Variants in ARHGAP28 observed in about 807,000 individuals in gnomAD.
ARHGAP28 encodes Rho GTPase activating protein 28, also known as rho GTPase-activating protein 28.
A neutral mutation model predicts 90.7 loss-of-function variants in ARHGAP28; 56 were observed. That is an observed-to-expected ratio of 0.62 (90% CI 0.50 to 0.77). ARHGAP28 has a LOEUF of 0.77. Ranked by LOEUF, ARHGAP28 falls within the 30% of genes least tolerant of loss-of-function variation. The pLI is 0.00. For synonymous variants in ARHGAP28, 308 were observed against 323.3 expected (o/e 0.95, Z 0.51); for missense variants, 869 against 900.9 (o/e 0.96, Z 0.45).
chr18:6,829,731 T>G (rs2056700761), intron 2 of ARHGAP28, among the ~76,000 whole-genome samples: 1 of 152,210 alleles, frequency 6.6e-6, no homozygotes, highest in South Asian at 2.1e-4. Flanking sequence ...TTAATTATTT[T>G]GGGGTTCGGC....
intron 14 of ARHGAP28, among the ~76,000 whole-genome samples, chr18:6,892,473 C>A (rs1365614739): frequency 6.6e-6 from 1 of 152,150 alleles, no homozygotes; most frequent in Non-Finnish European, 1.5e-5. Flanking sequence ...TCTGATAAGT[C>A]CAATGTCTGG....
intron 1 of ARHGAP28, among the ~76,000 whole-genome samples, chr18:6,773,126 T>C (rs1041764547): frequency 6.6e-6 from 1 of 152,238 alleles, no homozygotes; most frequent in African/African-American, 2.4e-5. Context: ...TGTTGTACTT[T>C]GTCTGAAATT....
intron 3 of ARHGAP28, chr18:6,850,656 C>T: frequency 6.3e-6 from 4 of 633,904 alleles, no homozygotes; most frequent in South Asian, 2.5e-5. Context: ...GACACTCCAC[C>T]AAGTAGAATT....
intron 1 of ARHGAP28, chr18:6,789,048 G>A (rs2143540835): frequency 6.6e-6 from 1 of 152,184 alleles, no homozygotes; most frequent in Non-Finnish European, 1.5e-5. Context: ...CAGAAGAAAA[G>A]GTCATTTTTG....
intron 4 of ARHGAP28, among the ~76,000 whole-genome samples, chr18:6,858,588 G>C (rs1399220468): frequency 6.6e-6 from 1 of 150,786 alleles, no homozygotes; most frequent in African/African-American, 2.4e-5. Context: ...TTGTCGCCCA[G>C]TTTGGAGCGC....
intron 7 of ARHGAP28, among the ~76,000 whole-genome samples, chr18:6,870,934 G>A (rs1473457509): frequency 2.6e-5 from 4 of 152,076 alleles, no homozygotes; most frequent in African/African-American, 7.2e-5. Context: ...CCGAGTAGCT[G>A]GGACTACAGG....
chr18:6,734,727 A>G (rs574289897), intron 1 of ARHGAP28, among the ~76,000 whole-genome samples: 1 of 152,348 alleles, frequency 6.6e-6, no homozygotes, highest in Admixed American at 6.5e-5. Flanking sequence ...GCATTTATGT[A>G]GGCCCGTATG....
chr18:6,915,453 G>C lies in ARHGAP28; in HGVS notation c.*3299G>C, dbSNP rs1600320721. 1 of 152,094 alleles carries C rather than the reference G, an allele frequency of 6.6e-6. No homozygotes were observed. Among genetic ancestry groups the C allele is most frequent in the South Asian group, 2.1e-4 (1 of 4,826 alleles). The allele number at this position is 152,094 out of a possible 1,614,324, so 9.4% of individuals were successfully genotyped here. ...CCACAAATAAAAATAATATGTCATG[G>C]GATTAAAATGTTTGTTTTCAAGCAT... On this transcript the variant is annotated 3_prime_UTR_variant, in exon 18 of 18. Transcript: ENST00000383472.
chr18:6,756,808 G>A (rs1206102007), intron 1 of ARHGAP28, among the ~76,000 whole-genome samples: 6 of 152,126 alleles, frequency 3.9e-5, no homozygotes, highest in African/African-American at 1.4e-4. Flanking sequence ...CAAAGAACTT[G>A]GAATCTAACG....
intron 12 of ARHGAP28, among the ~76,000 whole-genome samples, chr18:6,889,361 A>C (rs1443785378): frequency 2.0e-4 from 30 of 152,320 alleles, no homozygotes; most frequent in Non-Finnish European, 5.9e-5. Flanking sequence ...AATAGCACCC[A>C]AAAATTCAAT....
intron 4 of ARHGAP28, among the ~76,000 whole-genome samples, chr18:6,852,137 T>C (rs2056915595): frequency 6.6e-6 from 1 of 152,226 alleles, no homozygotes; most frequent in African/African-American, 2.4e-5. Context: ...CATATTTATT[T>C]TTCACTAAGC....
intron 2 of ARHGAP28, among the ~76,000 whole-genome samples, chr18:6,826,008 T>G (rs567170736): frequency 1.3e-5 from 2 of 152,338 alleles, no homozygotes; most frequent in South Asian, 4.1e-4. Flanking sequence ...TAGCTCTATT[T>G]TAAGTTCTTT....
chr18:6,845,534 A>C (rs763673939), intron 3 of ARHGAP28, among the ~76,000 whole-genome samples: 2 of 152,122 alleles, frequency 1.3e-5, no homozygotes, highest in Non-Finnish European at 2.9e-5. Flanking sequence ...ATTGGTATTA[A>C]GCTCTGCATC....
chr18:6,859,415 T>G (rs1477477262), intron 4 of ARHGAP28, among the ~76,000 whole-genome samples: 1 of 152,206 alleles, frequency 6.6e-6, no homozygotes, highest in African/African-American at 2.4e-5. Flanking sequence ...ATGTATCAAA[T>G]GAACCTATAT....
At position 6,841,203 on chromosome 18, in the gene ARHGAP28, C is replaced by CTCT. The variant is rs754874496; in HGVS notation, c.543+3789_543+3790insTCT. On this transcript the variant is annotated intron_variant, in intron 3 of 17. Coordinates refer to ENST00000383472, the MANE Select transcript of ARHGAP28 (RefSeq NM_001366230.1). Reference sequence around the variant, plus strand: ...CTCCTCTCTCTCTCTCTCTCTCTCTCCTCTCCTCTCTCTCTCTCTCCCCCC... The same window carrying CTCT: ...CTCCTCTCTCTCTCTCTCTCTCTCTCTCTCTCTCCTCTCTCTCTCTCTCCCCCC... 7.7e-3 allele frequency among the ~76,000 whole-genome samples: 322 copies of CTCT among 41,926 alleles called. 12 individuals carry two copies. The highest frequency in any genetic ancestry group is 0.037 in the Middle Eastern group (3 of 80). The allele number at this position is 41,926 out of a possible 152,430, so 27.5% of individuals were successfully genotyped here. A position where few individuals can be genotyped will look rare whatever the true frequency, so the allele number is the denominator to read the frequency against.
intron 1 of ARHGAP28, among the ~76,000 whole-genome samples, chr18:6,778,695 A>T (rs563391602): frequency 5.3e-5 from 8 of 152,324 alleles, no homozygotes; most frequent in Admixed American, 1.3e-4. Context: ...ATTGGGCACT[A>T]GGGAGTGCTA....
intron 1 of ARHGAP28, among the ~76,000 whole-genome samples, chr18:6,772,091 AG>A (rs2143413624): frequency 6.6e-6 from 1 of 152,328 alleles, no homozygotes; most frequent in East Asian, 1.9e-4. Flanking sequence ...CCACCAAGGT[AG>A]GACTTAAAGG....
chr18:6,868,016 C>T, intron 5 of ARHGAP28, 134 bp from the exon 6 acceptor site: 1 of 686,530 alleles, frequency 1.5e-6, no homozygotes. Flanking sequence ...GATGCCGGTC[C>T]TTTATGAAAT....
At chr18:6,879,202 T>C (rs1396909333) in intron 10 of ARHGAP28, among the ~76,000 whole-genome samples, 1 of 152,174 alleles carries the variant, frequency 6.6e-6, no homozygotes, top group Non-Finnish European at 1.5e-5. Flanking sequence ...TTTTCAAAAA[T>C]GACAGAAATT....
Sources: allele counts gnomAD v4.1 joint callset (sites outside exome capture counted in the v4.1 genomes callset), GRCh38; gene constraint gnomAD v4.1.1; transcripts MANE v1.5; gene names NCBI Gene and HGNC (gene_info 2026-07-23, HGNC 2026-07-21).